The following SMYD3 variants were observed in gnomAD, a reference collection of about 807,000 sequenced individuals.
SMYD3 encodes histone-lysine N-methyltransferase SMYD3.
Under a neutral mutation model 57.7 loss-of-function variants are expected in SMYD3, and 36 were observed. The ratio of observed to expected loss-of-function variants is 0.62; its 90% CI spans 0.48 to 0.82. The LOEUF (loss-of-function observed/expected upper bound fraction) is 0.82, where lower values mean the gene tolerates loss of function less well. Among genes scored for constraint, SMYD3 ranks in the 40% least tolerant of loss-of-function variants. The pLI is 0.00. For missense variants in SMYD3, 515 were observed against 538.8 expected (o/e 0.96, Z 0.44); for synonymous variants, 211 against 195.0 (o/e 1.08, Z -0.68).
chr1:246,023,150 G>A (rs1287571283), intron 5 of SMYD3, among the ~76,000 whole-genome samples: 5 of 152,120 alleles, frequency 3.3e-5, no homozygotes, highest in Non-Finnish European at 7.3e-5. Flanking sequence ...CAGTATCCAC[G>A]GTGAATGAGA....
intron 1 of SMYD3, among the ~76,000 whole-genome samples, chr1:246,427,336 C>T (rs1233138763): frequency 3.3e-5 from 5 of 151,310 alleles, no homozygotes; most frequent in African/African-American, 7.3e-5. Flanking sequence ...CCGGCTAAAA[C>T]GGTGAAACCC....
intron 5 of SMYD3, among the ~76,000 whole-genome samples, chr1:246,276,434 T>C (rs972189219): frequency 2.8e-5 from 4 of 145,400 alleles, no homozygotes; most frequent in African/African-American, 7.8e-5. Flanking sequence ...ACTAACTCTG[T>C]TTTTTCACTA....
intron 5 of SMYD3, chr1:246,326,498 G>C (rs957064128): frequency 5.2e-6 from 3 of 576,346 alleles, no homozygotes; most frequent in African/African-American, 1.9e-5. Context: ...AGGAGGCCGG[G>C]CGTGGCAGTT....
intron 5 of SMYD3, among the ~76,000 whole-genome samples, chr1:246,132,846 G>A (rs2061607698): frequency 6.6e-6 from 1 of 152,138 alleles, no homozygotes; most frequent in South Asian, 2.1e-4. Context: ...TTTCTCCAAA[G>A]AAGAATTACA....
intron 5 of SMYD3, among the ~76,000 whole-genome samples, chr1:245,980,114 A>T (rs1261779574): frequency 6.6e-6 from 1 of 152,224 alleles, no homozygotes; most frequent in Non-Finnish European, 1.5e-5. Flanking sequence ...GCACACTGGG[A>T]AGCCTGCTGA....
chr1:246,427,404 C>T (rs1314848600), intron 1 of SMYD3, among the ~76,000 whole-genome samples: 1 of 150,650 alleles, frequency 6.6e-6, no homozygotes, highest in African/African-American at 2.4e-5. Flanking sequence ...CCTGTAGTCC[C>T]AGCTACTCGG....
chr1:245,912,495 G>T (rs776077255), intron 8 of SMYD3, among the ~76,000 whole-genome samples: 1 of 152,020 alleles, frequency 6.6e-6, no homozygotes, highest in Non-Finnish European at 1.5e-5. Context: ...TCAAGAAATA[G>T]AACTAATGAT....
chr1:246,007,940 T>A (rs1438996731), intron 5 of SMYD3, among the ~76,000 whole-genome samples: 2 of 152,154 alleles, frequency 1.3e-5, no homozygotes, highest in Non-Finnish European at 2.9e-5. Flanking sequence ...ATGACAGTAA[T>A]CAGTTAACAA....
intron 1 of SMYD3, among the ~76,000 whole-genome samples, chr1:246,389,878 G>T (rs1050803191): frequency 3.3e-5 from 5 of 150,944 alleles, no homozygotes; most frequent in Non-Finnish European, 7.4e-5. Flanking sequence ...TCAGTTTCTA[G>T]AGGACCTCCT....
chr1:246,504,253 T>C (rs1016830589), intron 1 of SMYD3, among the ~76,000 whole-genome samples: 1 of 152,202 alleles, frequency 6.6e-6, no homozygotes. Flanking sequence ...TGTGCATCCC[T>C]TAAGGACATC....
chr1:246,023,807 CTGTGTGTG>C (rs201726897), intron 5 of SMYD3, among the ~76,000 whole-genome samples: 38 of 139,612 alleles, frequency 2.7e-4, no homozygotes, highest in Non-Finnish European at 4.7e-4. Context: ...TATTACAAAA[CTGTGTGTG>C]TGTGTGTGTG....
intron 2 of SMYD3, 53 bp downstream of exon 2, chr1:246,354,978 T>G (rs1190355753): frequency 7.1e-6 from 11 of 1,544,430 alleles, no homozygotes; most frequent in Non-Finnish European, 7.2e-6. Context: ...GAAGGACAAA[T>G]TTAAGAGTAA....
intron 5 of SMYD3, among the ~76,000 whole-genome samples, chr1:245,968,470 C>A (rs1025583777): frequency 6.6e-6 from 1 of 152,128 alleles, no homozygotes; most frequent in Non-Finnish European, 1.5e-5. Context: ...ATGGTTAGAA[C>A]TTTCCATTTC....
In SMYD3 at chr1:245,995,297, T is replaced by C. The variant is rs975567777; in HGVS notation, c.532-65360A>G. Among the ~76,000 whole-genome samples the C allele has an allele frequency of 3.9e-5, 6 of 152,196 alleles. No homozygotes were observed. The East Asian group carries it at 1.2e-3, about 29-fold the overall frequency. On this transcript the variant is annotated intron_variant, in intron 5 of 11. Coordinates refer to ENST00000490107, the MANE Select transcript of SMYD3 (RefSeq NM_001167740.2). ...CTACACGGAAGTCATGGGACTAGAGTAGAAACAACTAGGTCCAAACCCTGA... is the reference window on the plus strand; with the variant it reads ...CTACACGGAAGTCATGGGACTAGAGCAGAAACAACTAGGTCCAAACCCTGA...
chr1:246,096,574 A>C (rs966110257), intron 5 of SMYD3, among the ~76,000 whole-genome samples: 1 of 152,192 alleles, frequency 6.6e-6, no homozygotes, highest in Non-Finnish European at 1.5e-5. Flanking sequence ...ATCTCAGTCC[A>C]TTGTACTTAT....
chr1:246,194,272 G>GTT (rs372181316), intron 5 of SMYD3, among the ~76,000 whole-genome samples: 7,464 of 144,346 alleles, frequency 0.052, 261 homozygotes, highest in African/African-American at 0.09. Flanking sequence ...GGGTTTTTTT[G>GTT]TTTTTTTTTT....
intron 10 of SMYD3, among the ~76,000 whole-genome samples, chr1:245,833,922 C>T (rs1378481568): frequency 6.6e-6 from 1 of 152,232 alleles, no homozygotes; most frequent in Non-Finnish European, 1.5e-5. Flanking sequence ...ACACTGATTC[C>T]AAAGTTTACT....
At chr1:246,166,192 G>A (rs1219818960) in intron 5 of SMYD3, among the ~76,000 whole-genome samples, 1 of 152,144 alleles carries the variant, frequency 6.6e-6, no homozygotes, top group Non-Finnish European at 1.5e-5. Flanking sequence ...GGGCAACTTG[G>A]AAAATAACCT....
chr1:246,155,867 A>C (rs2062014628), intron 5 of SMYD3, among the ~76,000 whole-genome samples: 1 of 152,184 alleles, frequency 6.6e-6, no homozygotes, highest in South Asian at 2.1e-4. Context: ...ACGCACCTGT[A>C]GTCCTGGCTA....
Sources: gnomAD v4.1 joint callset for allele counts (sites outside exome capture counted in the v4.1 genomes callset) on GRCh38, gnomAD v4.1.1 for gene constraint, MANE v1.5 for transcripts, NCBI Gene and HGNC (gene_info 2026-07-23, HGNC 2026-07-21) for gene names.